The following WDFY4 variants were observed in gnomAD, a reference collection of about 807,000 sequenced individuals.
WDFY4 encodes WDFY family member 4, also known as WD repeat- and FYVE domain-containing protein 4.
WDFY4 carries 169 observed loss-of-function variants against 351.9 expected under a neutral mutation model. The ratio of observed to expected loss-of-function variants is 0.48; its 90% confidence interval spans 0.42 to 0.55. The LOEUF (loss-of-function observed/expected upper bound fraction) is 0.55, where lower values mean the gene tolerates loss of function less well. Among genes scored for constraint, WDFY4 ranks in the 20% least tolerant of loss-of-function variants. The pLI is 0.00. For synonymous variants in WDFY4, 1,622 were observed against 1,574.6 expected (o/e 1.03, Z -0.71); for missense variants, 3,803 against 3,935.6 (o/e 0.97, Z 0.90).
chr10:48,823,114 A>C, intron 35 of WDFY4: 1 of 1,299,892 alleles, frequency 7.7e-7, no homozygotes, highest in South Asian at 1.2e-5. Context: ...ATGTGCATGC[A>C]TATACACACA....
At chr10:48,911,253 A>G (rs1349749793) in intron 47 of WDFY4, among the ~76,000 whole-genome samples, 2 of 152,198 alleles carry the variant, frequency 1.3e-5, no homozygotes, top group East Asian at 1.9e-4. Flanking sequence ...CAGTAGGTGA[A>G]GAGAAAAATG....
At chr10:48,786,614 A>G in intron 19 of WDFY4, 25 bp from the exon 20 acceptor site, 1 of 1,522,124 alleles carries the variant, frequency 6.6e-7, no homozygotes, top group Non-Finnish European at 8.9e-7. Flanking sequence ...AACACTACTC[A>G]CTCTTGTCCT....
chr10:48,970,328 G>T (rs1842284468), intron 57 of WDFY4, 39 bp downstream of exon 57: 2 of 1,540,870 alleles, frequency 1.3e-6, no homozygotes, highest in Non-Finnish European at 8.7e-7. Context: ...CTCAGGTGGG[G>T]ACAGTACTTC....
At chr10:48,693,661 A>G (rs1255148878) in intron 1 of WDFY4, among the ~76,000 whole-genome samples, 1 of 152,138 alleles carries the variant, frequency 6.6e-6, no homozygotes, top group Non-Finnish European at 1.5e-5. Flanking sequence ...CATCTATTCT[A>G]AACGCTTCAT....
intron 24 of WDFY4, chr10:48,802,804 T>C (rs2067129101): frequency 2.1e-6 from 1 of 472,880 alleles, no homozygotes; most frequent in African/African-American, 2.0e-5. Flanking sequence ...GTCAGTACAG[T>C]GTAAAACCTG....
chr10:48,775,778 C>T lies in WDFY4; in HGVS notation c.2835C>T (p.His945=), dbSNP rs2066012134. 1.3e-6 allele frequency: 2 copies of T among 1,551,634 alleles called. No individual in the cohort carries two copies. Among genetic ancestry groups the T allele is most frequent in the African/African-American group, 1.4e-5 (1 of 73,056 alleles). Residue 945 remains histidine (H), a synonymous_variant, in exon 15 of 62, where the codon CAC becomes CAT. Coordinates refer to ENST00000325239, the MANE Select transcript of WDFY4 (RefSeq NM_001394531.1). ...SATTKILDSS[H]THRGNPGCSG... ...CAACAAAAATCCTTGATTCATCTCA[C>T]ACACACAGAGGCAACCCTGGGTGCT...
chr10:48,800,978 C>G (rs2067069912), intron 24 of WDFY4, among the ~76,000 whole-genome samples: 1 of 152,074 alleles, frequency 6.6e-6, no homozygotes, highest in South Asian at 2.1e-4. Context: ...GATGGTCCAC[C>G]CACCTCGGCC....
At chr10:48,830,639 C>T in intron 37 of WDFY4, 61 bp from the exon 38 acceptor site, 1 of 1,512,258 alleles carries the variant, frequency 6.6e-7, no homozygotes, top group Non-Finnish European at 8.9e-7. Context: ...CACCATCTCC[C>T]AGCCCTCTCT....
chr10:48,940,497 C>G (rs1840696105), intron 47 of WDFY4, among the ~76,000 whole-genome samples: 1 of 152,226 alleles, frequency 6.6e-6, no homozygotes, highest in African/African-American at 2.4e-5. Context: ...TGAAGCAGCA[C>G]TGTCCCCCTG....
At chr10:48,843,803 A>G (rs1461356379) in intron 39 of WDFY4, among the ~76,000 whole-genome samples, 1 of 152,252 alleles carries the variant, frequency 6.6e-6, no homozygotes, top group African/African-American at 2.4e-5. Flanking sequence ...GGGGAAAGGT[A>G]TCACCATCCC....
chr10:48,869,868 C>T (rs530227481), intron 40 of WDFY4, among the ~76,000 whole-genome samples: 34 of 152,178 alleles, frequency 2.2e-4, no homozygotes, highest in Non-Finnish European at 3.2e-4. Context: ...TCTCTATCTA[C>T]TCATCGAGTA....
At chr10:48,908,980 T>C (rs890197836) in intron 47 of WDFY4, among the ~76,000 whole-genome samples, 16 of 152,244 alleles carry the variant, frequency 1.1e-4, no homozygotes, top group African/African-American at 3.6e-4. Flanking sequence ...CTATTATTTT[T>C]TCATTTACAG....
Position 48,723,350 on chromosome 10 carries a change from G to A in WDFY4, c.457-83G>A. 3 of 1,484,370 alleles carry A rather than the reference G, an allele frequency of 2.0e-6. No homozygotes were observed. In the African/African-American group the frequency reaches 4.2e-5, roughly 21 times the overall value. The allele number at this position is 1,484,370 out of a possible 1,614,324, so 91.9% of individuals were successfully genotyped here. A position where few individuals can be genotyped will look rare whatever the true frequency, so the allele number is the denominator to read the frequency against. On this transcript the variant is annotated intron_variant, in intron 4 of 61. Coordinates refer to ENST00000325239, the MANE Select transcript of WDFY4 (RefSeq NM_001394531.1). ...ACTGTCCCATGGCCTCACTGAAATG[G>A]CTGCAGGGGCCTGATCCTGGGTCTG...
intron 49 of WDFY4, among the ~76,000 whole-genome samples, chr10:48,945,478 GAA>G (rs1165859265): frequency 6.6e-6 from 1 of 152,126 alleles, no homozygotes; most frequent in Admixed American, 6.5e-5. Context: ...AACCTGAAAA[GAA>G]AAAGTTTCCC....
chr10:48,784,689 C>T (rs188351782), intron 19 of WDFY4, among the ~76,000 whole-genome samples: 102 of 150,304 alleles, frequency 6.8e-4, no homozygotes, highest in Non-Finnish European at 1.3e-3. Flanking sequence ...CTACAGGTGC[C>T]CACCACCATG....
Position 48,727,591 on chromosome 10 carries a change from C to T in WDFY4, c.903C>T (p.Val301=). The change falls in exon 7 of 62, where the codon GTC becomes GTT. Residue 301 remains valine, a synonymous_variant. Transcript: ENST00000325239. ...ILGFVKDSYP[V]SSALFLEFEN... is the part of the protein sequence containing the mutation. Reference sequence around the variant, plus strand: ...GATTCGTGAAGGACTCCTACCCCGTCTCCTCGGCTCTGTTCCTGGAGTTTG... The same window carrying T: ...GATTCGTGAAGGACTCCTACCCCGTTTCCTCGGCTCTGTTCCTGGAGTTTG... The T allele has an allele frequency of 1.3e-6, 2 of 1,552,002 alleles. No individual in the cohort carries two copies. The highest frequency in any genetic ancestry group is 1.7e-6 in the Non-Finnish European group (2 of 1,147,048).
chr10:48,825,603 A>G (rs1161208444), intron 35 of WDFY4, among the ~76,000 whole-genome samples: 1 of 151,896 alleles, frequency 6.6e-6, no homozygotes, highest in Non-Finnish European at 1.5e-5. Flanking sequence ...TTGCTCTGCA[A>G]CCTCACCCCA....
Position 48,731,145 on chromosome 10 carries a change from C to T in WDFY4, c.1165C>T (p.Leu389=). ...TVKNLQAFQV[L]QNVFHKASDS... ...TAAGAATCTTCAGGCCTTCCAGGTC[C>T]TACAGAATGTTTTCCACAAAGCCAG... Residue 389 remains leucine, a synonymous_variant, in exon 9 of 62, where the codon CTA becomes TTA. Transcript: ENST00000325239. 2 of 1,550,280 alleles carry T rather than the reference C, an allele frequency of 1.3e-6. No individual in the cohort carries two copies. Among genetic ancestry groups the T allele is most frequent in the African/African-American group, 1.4e-5 (1 of 73,162 alleles).
chr10:48,893,116 G>A (rs1159411789), intron 44 of WDFY4, among the ~76,000 whole-genome samples: 1 of 152,170 alleles, frequency 6.6e-6, no homozygotes, highest in Non-Finnish European at 1.5e-5. Flanking sequence ...AGCTTCTTGT[G>A]TTTGCAGACA....
Sources: allele counts gnomAD v4.1 joint callset (sites outside exome capture counted in the v4.1 genomes callset), GRCh38; gene constraint gnomAD v4.1.1; transcripts MANE v1.5; gene names NCBI Gene and HGNC (gene_info 2026-07-23, HGNC 2026-07-21).